The following ADCY10 variants were observed in gnomAD, a reference collection of about 807,000 sequenced individuals.
The protein encoded by ADCY10 is adenylate cyclase 10.
Under a neutral mutation model 183.3 loss-of-function variants are expected in ADCY10, and 156 were observed. The ratio of observed to expected loss-of-function variants is 0.85; its 90% CI spans 0.75 to 0.97. The LOEUF (loss-of-function observed/expected upper bound fraction) is 0.97. Ranked by LOEUF, ADCY10 falls within the 50% of genes least tolerant of loss-of-function variation. ADCY10 has a pLI of 0.00. For missense variants in ADCY10, 1,745 were observed against 1,934.3 expected (o/e 0.90, Z 1.84); for synonymous variants, 645 against 670.0 (o/e 0.96, Z 0.58).
At chr1:167,909,087 A>C (rs938498281) in intron 1 of ADCY10, among the ~76,000 whole-genome samples, 3 of 152,154 alleles carry the variant, frequency 2.0e-5, no homozygotes, top group Non-Finnish European at 4.4e-5. Context: ...CTTTTCCCTG[A>C]AGGTAACCTT....
chr1:167,833,916 T>C (rs1663985012), intron 24 of ADCY10, 54 bp downstream of exon 24: 4 of 1,384,050 alleles, frequency 2.9e-6, no homozygotes, highest in Non-Finnish European at 4.1e-6. Context: ...TCTACTTCTA[T>C]GGAAAGGCCT....
In ADCY10 at chr1:167,829,266, C is replaced by A. The variant is rs200044782; in HGVS notation, c.3750+1G>T. The A allele has an allele frequency of 5.0e-6, 8 of 1,613,888 alleles. No individual in the cohort carries two copies. Among genetic ancestry groups the A allele is most frequent in the African/African-American group, 1.3e-5 (1 of 74,918 alleles). On this transcript the variant is annotated splice_donor_variant, in intron 26 of 32. Coordinates refer to ENST00000367851, the MANE Select transcript of ADCY10 (RefSeq NM_018417.6). LOFTEE classifies it high-confidence loss of function. ...AAGGAGCAGCTACAAAAATCCCCTA[C>A]CTGGAAACAATTTTGAGTTTCCAGT...
chr1:167,854,422 G>T lies in ADCY10; in HGVS notation c.2239C>A (p.His747Asn). Residue 747 changes from histidine to asparagine, a missense_variant, in exon 18 of 33, where the codon CAT (histidine) becomes AAT (asparagine). His to Asn is a moderately conservative substitution (Grantham distance 68). Transcript: ENST00000367851. ...GTTTGTTGGAAAACGAGTACCTCAT[G>T]ATGTTCCAGGTTTTTAAGCAATTCT... Reference protein sequence around the residue: ...CEELLKNLEHHEVLVFQQTES... With the variant: ...CEELLKNLEHNEVLVFQQTES... The T allele has an allele frequency of 6.2e-7, 1 of 1,614,178 alleles. No homozygotes were observed.
At chr1:167,905,354 A>G (rs953073898) in intron 1 of ADCY10, among the ~76,000 whole-genome samples, 156 bp from the exon 2 acceptor site, 3 of 152,344 alleles carry the variant, frequency 2.0e-5, no homozygotes, top group African/African-American at 7.2e-5. Flanking sequence ...CAATTTCTAT[A>G]CAGAGGAAGA....
intron 17 of ADCY10, among the ~76,000 whole-genome samples, chr1:167,855,308 G>A (rs753738224): frequency 6.6e-6 from 1 of 151,478 alleles, no homozygotes; most frequent in African/African-American, 2.4e-5. Context: ...CAATGAGAGC[G>A]AAACTAGGTC....
chr1:167,822,166 A>T, intron 29 of ADCY10, 25 bp from the exon 30 acceptor site: 1 of 1,376,084 alleles, frequency 7.3e-7, no homozygotes, highest in Non-Finnish European at 1.0e-6. Flanking sequence ...AATGGGTGAG[A>T]GTTATTAGTA....
In ADCY10 at chr1:167,895,601, G is replaced by A. The variant is rs570978817; in HGVS notation, c.739+994C>T. Among the ~76,000 whole-genome samples the A allele has an allele frequency of 8.5e-5, 13 of 152,250 alleles. No homozygotes were observed. In the South Asian group the frequency reaches 2.7e-3, roughly 32 times the overall value. On this transcript the variant is annotated intron_variant, in intron 7 of 32. Coordinates refer to ENST00000367851, the MANE Select transcript of ADCY10 (RefSeq NM_018417.6). ...GCCTATTTGACATCCAGTGGAAGTC[G>A]CCCATAGGTAGGGTATTTTGTTTGT...
intron 30 of ADCY10, among the ~76,000 whole-genome samples, chr1:167,821,792 C>T (rs148822752): frequency 1.2e-4 from 18 of 152,258 alleles, no homozygotes; most frequent in Non-Finnish European, 1.9e-4. Flanking sequence ...GATATGTTTG[C>T]GATAAATGTT....
Position 167,860,720 on chromosome 1 carries a change from T to C in ADCY10, c.1809+151A>G, listed in dbSNP as rs1666224809. On this transcript the variant is annotated intron_variant, in intron 15 of 32. Coordinates refer to ENST00000367851, the MANE Select transcript of ADCY10 (RefSeq NM_018417.6). Reference sequence around the variant, plus strand: ...ACCTCTAATATGTCAAGAATGTTGATGCACATCCAGAGAGGATTGGGAGCC... The same window carrying C: ...ACCTCTAATATGTCAAGAATGTTGACGCACATCCAGAGAGGATTGGGAGCC... 18 of 675,272 alleles carry C rather than the reference T, an allele frequency of 2.7e-5. No homozygotes were observed. The South Asian group carries it at 2.9e-4, about 11-fold the overall frequency. 41.8% of individuals were successfully genotyped at this position (675,272 alleles called of 1,614,324 possible).
In ADCY10 at chr1:167,833,831, T is replaced by G. The variant is rs1230621512; in HGVS notation, c.3417+139A>C. The G allele has an allele frequency of 9.5e-5, 66 of 695,282 alleles. No individual in the cohort carries two copies. The East Asian group carries it at 1.7e-3, about 18-fold the overall frequency. The allele number at this position is 695,282 out of a possible 1,614,324, so 43.1% of individuals were successfully genotyped here. A position where few individuals can be genotyped will look rare whatever the true frequency, so the allele number is the denominator to read the frequency against. ...TGGTGAGGAGGTTGGAGCCCAGGGA[T>G]TTGAGTTTCTAGAGTCTTGGCTAGA... On this transcript the variant is annotated intron_variant, in intron 24 of 32. Transcript: ENST00000367851.
chr1:167,875,777 C>A (rs1171300255), intron 12 of ADCY10, among the ~76,000 whole-genome samples: 1 of 152,010 alleles, frequency 6.6e-6, no homozygotes, highest in Non-Finnish European at 1.5e-5. Context: ...GGTGAAACCC[C>A]GTCTCTACCA....
intron 21 of ADCY10, among the ~76,000 whole-genome samples, chr1:167,838,287 C>T (rs1664373256): frequency 6.6e-6 from 1 of 152,152 alleles, no homozygotes; most frequent in Non-Finnish European, 1.5e-5. Context: ...CACCTCTTCT[C>T]CTAGATTACT....
chr1:167,829,397 C>T lies in ADCY10; in HGVS notation c.3620G>A (p.Arg1207Gln), dbSNP rs747193535. ...PGKKRLAQLY[R>Q]QTVCLSLLWR... Reference sequence around the variant, plus strand: ...CAGCAAGGAAAGGCAGACAGTTTGCCGGTAAAGTTGTGCCAGCCTCTTCTT... The same window carrying T: ...CAGCAAGGAAAGGCAGACAGTTTGCTGGTAAAGTTGTGCCAGCCTCTTCTT... Residue 1207 changes from arginine (R) to glutamine (Q), a missense_variant, in exon 26 of 33, where the codon CGG becomes CAG. Arg to Gln is a conservative substitution (Grantham distance 43). Coordinates refer to ENST00000367851, the MANE Select transcript of ADCY10 (RefSeq NM_018417.6). The T allele has an allele frequency of 1.4e-5, 22 of 1,613,972 alleles. 1 individual carries two copies. The highest frequency in any genetic ancestry group is 2.2e-5 in the East Asian group (1 of 44,898).
intron 15 of ADCY10, among the ~76,000 whole-genome samples, chr1:167,860,194 G>A (rs1666192818): frequency 6.6e-6 from 1 of 152,110 alleles, no homozygotes; most frequent in African/African-American, 2.4e-5. Context: ...AATGTAGATA[G>A]AATCAGTGGG....
chr1:167,813,455 A>G (rs1345414987), intron 31 of ADCY10, among the ~76,000 whole-genome samples: 1 of 152,132 alleles, frequency 6.6e-6, no homozygotes, highest in Non-Finnish European at 1.5e-5. Flanking sequence ...CAGACAATCA[A>G]AAACAAAGTT....
At chr1:167,839,968 C>T (rs1297113654) in intron 21 of ADCY10, among the ~76,000 whole-genome samples, 6 of 151,672 alleles carry the variant, frequency 4.0e-5, no homozygotes, top group Admixed American at 2.6e-4. Context: ...CCCTATAATC[C>T]CAACACTTTG....
chr1:167,901,922 C>G, intron 4 of ADCY10, 94 bp downstream of exon 4: 3 of 1,605,944 alleles, frequency 1.9e-6, no homozygotes, highest in South Asian at 2.2e-5. Context: ...CCTGGCCACT[C>G]CCTTCTCTAG....
At chr1:167,912,263 G>T (rs963230939) in intron 1 of ADCY10, among the ~76,000 whole-genome samples, 23 of 152,310 alleles carry the variant, frequency 1.5e-4, no homozygotes, top group African/African-American at 5.3e-4. Flanking sequence ...AGCATCTCCA[G>T]AAAATTTCTT....
chr1:167,863,870 A>G (rs1666475244), intron 14 of ADCY10, among the ~76,000 whole-genome samples: 1 of 152,216 alleles, frequency 6.6e-6, no homozygotes, highest in Admixed American at 6.5e-5. Flanking sequence ...TGCCCACTCC[A>G]TTTGAGTGGA....
Sources: gnomAD v4.1 joint callset for allele counts (sites outside exome capture counted in the v4.1 genomes callset) on GRCh38, gnomAD v4.1.1 for gene constraint, MANE v1.5 for transcripts, NCBI Gene and HGNC (gene_info 2026-07-23, HGNC 2026-07-21) for gene names.